PAK3: variants seen among roughly 807,000 people sequenced by gnomAD.
The protein encoded by PAK3 is p21 (RAC1) activated kinase 3.
Under a neutral mutation model 41.0 loss-of-function variants are expected in PAK3, and 4 were observed. The ratio of observed to expected loss-of-function variants is 0.10; its 90% CI spans 0.05 to 0.22. The LOEUF is 0.22. Ranked by LOEUF, PAK3 falls within the 10% of genes least tolerant of loss-of-function variation. The pLI is 1.00. For missense variants in PAK3, 205 were observed against 409.9 expected (o/e 0.50, Z 4.32); for synonymous variants, 146 against 139.6 (o/e 1.05, Z -0.32).
At chrX:111,069,139 A>G (rs2092723201) in intron 1 of PAK3, among the ~76,000 whole-genome samples, 1 of 111,957 alleles carries the variant, frequency 8.9e-6, no homozygotes, top group Non-Finnish European at 1.9e-5. Context: ...CAGTTGGTCC[A>G]CTTAGAGACA....
At chrX:110,958,124 T>C (rs765370006) in intron 1 of PAK3, among the ~76,000 whole-genome samples, 9 of 111,813 alleles carry the variant, frequency 8.0e-5, no homozygotes, top group African/African-American at 2.9e-4. Flanking sequence ...GAGTGTTTCA[T>C]GCAGAGAGAG....
In PAK3 at chrX:111,191,957, GT is replaced by G. The variant is rs201509153; in HGVS notation, c.831-161del. ...TTTGTTAAGAGGGTAGATCGCCTGT[GT>G]TTTTTTTTAATCACAATAATAATTT... is the stretch of plus-strand genomic sequence containing the variant. On this transcript the variant is annotated intron_variant, in intron 11 of 17. Coordinates refer to ENST00000372007, the MANE Select transcript of PAK3 (RefSeq NM_002578.5). Among the ~76,000 whole-genome samples the G allele has an allele frequency of 8.7e-3, 953 of 109,204 alleles. 10 individuals carry two copies. The highest frequency in any genetic ancestry group is 0.021 in the African/African-American group (629 of 30,102). The allele number at this position is 109,204 out of a possible 115,157, so 94.8% of individuals were successfully genotyped here.
chrX:110,956,083 G>A (rs1187624072), intron 1 of PAK3, among the ~76,000 whole-genome samples: 6 of 111,809 alleles, frequency 5.4e-5, no homozygotes, highest in Admixed American at 9.5e-5. Context: ...GAATCAAAGA[G>A]ATAATCTATG....
At chrX:111,148,471 A>G (rs182676134) in intron 7 of PAK3, among the ~76,000 whole-genome samples, 1 of 111,904 alleles carries the variant, frequency 8.9e-6, no homozygotes, top group African/African-American at 3.2e-5. Flanking sequence ...AATTTGCACT[A>G]TAAGCAACTG....
At chrX:111,168,040 C>T (rs986563608) in intron 10 of PAK3, among the ~76,000 whole-genome samples, 2 of 110,947 alleles carry the variant, frequency 1.8e-5, no homozygotes, top group Non-Finnish European at 3.8e-5. Flanking sequence ...ACCCTTTTTC[C>T]TAATTCACCC....
intron 1 of PAK3, among the ~76,000 whole-genome samples, chrX:111,055,423 G>A (rs1234283174): frequency 1.8e-5 from 2 of 112,414 alleles, no homozygotes; most frequent in African/African-American, 3.2e-5. Context: ...CCCCGTAAGA[G>A]TCCACATGGA....
intron 1 of PAK3, among the ~76,000 whole-genome samples, chrX:111,057,440 G>A (rs191956039): frequency 3.6e-5 from 4 of 110,963 alleles, no homozygotes; most frequent in African/African-American, 1.3e-4. Context: ...ATCATGATTC[G>A]TGACCCTTAA....
Position 111,226,545 on chromosome X carries a change from T to C in PAK3, c.*6098T>C, listed in dbSNP as rs1208984156. On this transcript the variant is annotated 3_prime_UTR_variant, in exon 18 of 18. Coordinates refer to ENST00000372007, the MANE Select transcript of PAK3 (RefSeq NM_002578.5). ...GACTGCTAAGAGTGAACCTAAACAC[T>C]TACAAGTTGCAGAGAGAAATGAAAA... 1 of 112,365 alleles carries C rather than the reference T, an allele frequency of 8.9e-6. No individual in the cohort carries two copies. Among genetic ancestry groups the C allele is most frequent in the Non-Finnish European group, 1.9e-5 (1 of 53,316 alleles). 9.3% of individuals were successfully genotyped at this position (112,365 alleles called of 1,213,427 possible). A position where few individuals can be genotyped will look rare whatever the true frequency, so the allele number is the denominator to read the frequency against.
intron 1 of PAK3, among the ~76,000 whole-genome samples, chrX:110,945,799 G>A (rs557866327): frequency 9.0e-5 from 10 of 111,624 alleles, no homozygotes; most frequent in Middle Eastern, 4.6e-3. Flanking sequence ...GAAAGAAGAG[G>A]TCAATAAAAA....
chrX:110,974,353 A>C (rs973612136), intron 1 of PAK3, among the ~76,000 whole-genome samples: 3 of 112,294 alleles, frequency 2.7e-5, no homozygotes, highest in African/African-American at 6.5e-5. Flanking sequence ...TAAACTAGAA[A>C]ATCTAGAAGA....
rs761323596 is a variant in PAK3, at chrX:111,189,106, A to G, written c.831-3021A>G. Among the ~76,000 whole-genome samples the G allele has an allele frequency of 3.5e-3, 391 of 110,809 alleles. 2 individuals carry two copies. Among genetic ancestry groups the G allele is most frequent in the African/African-American group, 5.0e-3 (153 of 30,470 alleles). Reference sequence around the variant, plus strand: ...CTCACTCTAGTAGTCCCCAGTGTCTATTGTTGCCAGCTTTATGTTCATGCG... The same window carrying G: ...CTCACTCTAGTAGTCCCCAGTGTCTGTTGTTGCCAGCTTTATGTTCATGCG... On this transcript the variant is annotated intron_variant, in intron 11 of 17. Coordinates refer to ENST00000372007, the MANE Select transcript of PAK3 (RefSeq NM_002578.5).
intron 1 of PAK3, among the ~76,000 whole-genome samples, chrX:110,949,491 C>T (rs1485582475): frequency 8.9e-6 from 1 of 111,759 alleles, no homozygotes; most frequent in African/African-American, 3.3e-5. Flanking sequence ...CCAGAGAAGG[C>T]CTCTCATCCA....
At position 111,172,975 on chromosome X, in the gene PAK3, T is replaced by C. The variant is rs201366495; in HGVS notation, c.767-43T>C. The C allele has an allele frequency of 1.1e-4, 79 of 692,272 alleles. No individual in the cohort carries two copies. The East Asian group carries it at 2.4e-3, about 21-fold the overall frequency. The allele number at this position is 692,272 out of a possible 1,213,427, so 57.1% of individuals were successfully genotyped here. ...CTATTTCTCTCTCTCTCTCTCTCTC[T>C]TCCACCTCCTCCTCTTTTCTTCTCT... On this transcript the variant is annotated intron_variant, in intron 10 of 17. Coordinates refer to ENST00000372007, the MANE Select transcript of PAK3 (RefSeq NM_002578.5).
chrX:111,096,150 A>G (rs918562598), upstream of PAK3, among the ~76,000 whole-genome samples: 2 of 112,318 alleles, frequency 1.8e-5, no homozygotes, highest in Non-Finnish European at 3.8e-5. Flanking sequence ...GTGACGTAAT[A>G]GCAGAGAAGG....
intron 11 of PAK3, among the ~76,000 whole-genome samples, chrX:111,181,663 C>T (rs750026708): frequency 9.0e-6 from 1 of 110,843 alleles, no homozygotes; most frequent in Admixed American, 9.6e-5. Context: ...TGTTGAATAA[C>T]AGTGTCGTTT....
chrX:111,138,006 T>C (rs1321366574), intron 5 of PAK3, among the ~76,000 whole-genome samples: 1 of 110,621 alleles, frequency 9.0e-6, no homozygotes, highest in East Asian at 2.8e-4. Context: ...ATCTAGGGTC[T>C]AGTTTATTGC....
At chrX:111,108,851 G>C (rs950405555) in intron 4 of PAK3, among the ~76,000 whole-genome samples, 2 of 112,440 alleles carry the variant, frequency 1.8e-5, no homozygotes, top group Non-Finnish European at 3.8e-5. Context: ...AAATGCACCT[G>C]CCTGAGTGTG....
intron 13 of PAK3, among the ~76,000 whole-genome samples, chrX:111,193,118 A>C (rs2094575310): frequency 9.0e-6 from 1 of 111,535 alleles, no homozygotes. Flanking sequence ...TAGGTATTTA[A>C]AGGCAGCACT....
intron 10 of PAK3, among the ~76,000 whole-genome samples, chrX:111,167,205 T>C (rs1195003508): frequency 9.0e-6 from 1 of 111,427 alleles, no homozygotes; most frequent in Non-Finnish European, 1.9e-5. Flanking sequence ...ATCCCAGGTG[T>C]ATGATTACTG....
Sources: gnomAD v4.1 joint callset for allele counts (sites outside exome capture counted in the v4.1 genomes callset) on GRCh38, gnomAD v4.1.1 for gene constraint, MANE v1.5 for transcripts, NCBI Gene and HGNC (gene_info 2026-07-23, HGNC 2026-07-21) for gene names.